PIK3C2G: variants seen among roughly 807,000 people sequenced by gnomAD.
The protein encoded by PIK3C2G is phosphatidylinositol 3-kinase C2 domain-containing subunit gamma.
Under a neutral mutation model 181.1 loss-of-function variants are expected in PIK3C2G, and 168 were observed. That is an observed-to-expected ratio of 0.93 (90% CI 0.82 to 1.05). PIK3C2G has a LOEUF of 1.05. Ranked by LOEUF, PIK3C2G falls within the 50% of genes least tolerant of loss-of-function variation. PIK3C2G has a pLI of 0.00. For missense variants in PIK3C2G, 1,869 were observed against 1,732.8 expected, an observed-to-expected ratio of 1.08 and a Z score of -1.40; for synonymous variants, 573 against 592.2, an observed-to-expected ratio of 0.97 and a Z score of 0.47.
At chr12:18,656,729 T>C in the PIK3C2G span, among the ~76,000 whole-genome samples, 1 of 134,756 alleles carries the variant, frequency 7.4e-6, no homozygotes, top group Admixed American at 7.9e-5. Context: ...AGCATGACCC[T>C]GTCTCAAACA....
At chr12:18,602,023 G>C (rs913510123) in intron 30 of PIK3C2G, among the ~76,000 whole-genome samples, 1 of 152,116 alleles carries the variant, frequency 6.6e-6, no homozygotes, top group Non-Finnish European at 1.5e-5. Flanking sequence ...TTTGAATGGG[G>C]CTAGAAGCCT....
At chr12:18,338,904 T>A (rs111925354) in intron 9 of PIK3C2G, among the ~76,000 whole-genome samples, 2 of 152,074 alleles carry the variant, frequency 1.3e-5, no homozygotes, top group African/African-American at 4.8e-5. Context: ...TAATCACATG[T>A]AAGTGTTTGT....
At chr12:18,256,630 C>T (rs1055329464), upstream of PIK3C2G, among the ~76,000 whole-genome samples, 5 of 152,128 alleles carry the variant, frequency 3.3e-5, no homozygotes, top group Non-Finnish European at 5.9e-5. Flanking sequence ...GAACTTTGCA[C>T]AAGAATCTTC....
At chr12:18,633,649 G>C (rs185373708) in intron 31 of PIK3C2G, among the ~76,000 whole-genome samples, 1 of 152,152 alleles carries the variant, frequency 6.6e-6, no homozygotes, top group Non-Finnish European at 1.5e-5. Context: ...CTCTTCCTTA[G>C]TTCCATTGTG....
At chr12:18,388,418 G>A (rs1407631309) in intron 14 of PIK3C2G, among the ~76,000 whole-genome samples, 2 of 152,088 alleles carry the variant, frequency 1.3e-5, no homozygotes, top group Non-Finnish European at 2.9e-5. Context: ...GGAATTACAG[G>A]TGCATGCCAC....
chr12:18,248,666 GATC>G (rs1948066628), intron 1 of PIK3C2G, among the ~76,000 whole-genome samples: 1 of 152,076 alleles, frequency 6.6e-6, no homozygotes, highest in Admixed American at 6.6e-5. Context: ...TGCTCCTTAA[GATC>G]ATCATATTTC....
At chr12:18,286,760 T>G (rs1949462967) in intron 2 of PIK3C2G, 87 bp from the exon 3 acceptor site, 1 of 756,598 alleles carries the variant, frequency 1.3e-6, no homozygotes, top group Non-Finnish European at 2.1e-6. Context: ...GAAGTCTGAA[T>G]GAAACTTCAA....
chr12:18,450,537 G>A (rs1300841407), intron 18 of PIK3C2G, among the ~76,000 whole-genome samples: 2 of 152,108 alleles, frequency 1.3e-5, no homozygotes, highest in African/African-American at 4.8e-5. Flanking sequence ...TACATTTCCT[G>A]TTCACTCTGA....
intron 31 of PIK3C2G, among the ~76,000 whole-genome samples, chr12:18,627,859 A>T (rs1198133033): frequency 3.9e-5 from 6 of 152,214 alleles, no homozygotes; most frequent in African/African-American, 1.4e-4. Flanking sequence ...GATTTCCACT[A>T]AAGCTTATAT....
chr12:18,645,794 T>C (rs1407594070), intron 32 of PIK3C2G, among the ~76,000 whole-genome samples: 1 of 152,170 alleles, frequency 6.6e-6, no homozygotes, highest in African/African-American at 2.4e-5. Context: ...TTCATGAAAA[T>C]ATAAATTATT....
intron 22 of PIK3C2G, among the ~76,000 whole-genome samples, chr12:18,498,808 C>T (rs527915533): frequency 4.6e-5 from 7 of 152,318 alleles, no homozygotes; most frequent in Admixed American, 3.9e-4. Flanking sequence ...AGGGCTCCTA[C>T]TTCCATGCCA....
chr12:18,722,195 G>C, the PIK3C2G span, among the ~76,000 whole-genome samples: 1 of 105,280 alleles, frequency 9.5e-6, no homozygotes, highest in Non-Finnish European at 2.0e-5. Context: ...AGGCCTCCCA[G>C]GTCATTTACT....
intron 29 of PIK3C2G, among the ~76,000 whole-genome samples, chr12:18,589,790 T>C (rs1292421719): frequency 6.6e-6 from 1 of 152,028 alleles, no homozygotes; most frequent in Non-Finnish European, 1.5e-5. Context: ...TGCTGTCTTT[T>C]CTTTTTTCCA....
intron 12 of PIK3C2G, among the ~76,000 whole-genome samples, chr12:18,368,699 C>T (rs761661487): frequency 4.6e-5 from 7 of 152,196 alleles, no homozygotes; most frequent in Non-Finnish European, 1.0e-4. Flanking sequence ...ACTTCTAAAA[C>T]AGCTCTTCTA....
chr12:18,677,376 T>G, the PIK3C2G span, among the ~76,000 whole-genome samples: 1 of 152,086 alleles, frequency 6.6e-6, no homozygotes, highest in Non-Finnish European at 1.5e-5. Context: ...GCAAGGCTAG[T>G]TGTTTTCAGT....
chr12:18,713,123 CTTTGG>C, the PIK3C2G span: 4 of 1,188,260 alleles, frequency 3.4e-6, no homozygotes, highest in Non-Finnish European at 3.6e-6. Context: ...AAAAACTTGT[CTTTGG>C]GACAAGTTTT....
chr12:18,300,832 G>GT (rs530762049), intron 5 of PIK3C2G, among the ~76,000 whole-genome samples: 5 of 151,980 alleles, frequency 3.3e-5, no homozygotes, highest in Non-Finnish European at 5.9e-5. Flanking sequence ...GATAGATATT[G>GT]TTTTTTCACT....
the PIK3C2G span, among the ~76,000 whole-genome samples, chr12:18,692,315 G>A: frequency 2.0e-5 from 3 of 152,058 alleles, no homozygotes; most frequent in African/African-American, 4.8e-5. Flanking sequence ...GCAAACAACA[G>A]GTACAGTTAT....
At chr12:18,643,590 A>G (rs1453301308) in intron 32 of PIK3C2G, among the ~76,000 whole-genome samples, 1 of 151,706 alleles carries the variant, frequency 6.6e-6, no homozygotes, top group Non-Finnish European at 1.5e-5. Context: ...AAGAATATTT[A>G]TAAGAAATGC....
Sources: allele counts gnomAD v4.1 joint callset (sites outside exome capture counted in the v4.1 genomes callset), GRCh38; gene constraint gnomAD v4.1.1; transcripts MANE v1.5; gene names NCBI Gene and HGNC (gene_info 2026-07-23, HGNC 2026-07-21).